DACH2: variants seen among roughly 807,000 people sequenced by gnomAD.
DACH2 encodes the protein dachshund homolog 2.
A neutral mutation model predicts 35.8 loss-of-function variants in DACH2; 17 were observed. The ratio of observed to expected loss-of-function variants is 0.48; its 90% CI spans 0.33 to 0.71. The LOEUF (loss-of-function observed/expected upper bound fraction) is 0.71, where lower values mean the gene tolerates loss of function less well. Ranked by LOEUF, DACH2 falls within the 30% of genes least tolerant of loss-of-function variation. The pLI is 0.02. For missense variants in DACH2, 469 were observed against 472.7 expected (o/e 0.99, Z 0.07); for synonymous variants, 195 against 177.3 (o/e 1.10, Z -0.79).
At chrX:86,647,003 TTATTTTTAAA>T (rs1310655696) in intron 3 of DACH2, among the ~76,000 whole-genome samples, 1 of 109,968 alleles carries the variant, frequency 9.1e-6, no homozygotes, top group East Asian at 2.8e-4. Context: ...AATAGGACTA[TTATTTTTAAA>T]AATATATATA....
chrX:86,254,838 A>AGAGAGAG (rs1569318220), intron 1 of DACH2, among the ~76,000 whole-genome samples: 8 of 88,421 alleles, frequency 9.0e-5, no homozygotes, highest in African/African-American at 2.9e-4. Context: ...AGAGAGAGAG[A>AGAGAGAG]AGGTTTATAA....
intron 3 of DACH2, among the ~76,000 whole-genome samples, chrX:86,649,377 C>G (rs185483588): frequency 1.3e-4 from 14 of 110,803 alleles, no homozygotes; most frequent in African/African-American, 4.6e-4. Flanking sequence ...AATGTAAATT[C>G]TGGAAACTTA....
chrX:86,705,955 A>T (rs761568299), intron 5 of DACH2, among the ~76,000 whole-genome samples: 2 of 112,194 alleles, frequency 1.8e-5, no homozygotes, highest in East Asian at 5.6e-4. Context: ...ACTTGGATGG[A>T]GCTGAAGGCC....
At chrX:86,777,177 T>G (rs1231991533) in intron 7 of DACH2, among the ~76,000 whole-genome samples, 7 of 110,138 alleles carry the variant, frequency 6.4e-5, no homozygotes, top group African/African-American at 2.3e-4. Context: ...TCTTCCACAA[T>G]GGTTGAACTA....
intron 1 of DACH2, among the ~76,000 whole-genome samples, chrX:86,274,272 A>G (rs1174127829): frequency 9.1e-6 from 1 of 110,349 alleles, no homozygotes; most frequent in Non-Finnish European, 1.9e-5. Flanking sequence ...AATTTTGAAC[A>G]AGATAGGAAG....
rs1398142737 is a variant in DACH2, at chrX:86,605,066, C to A, written c.641-45970C>A. Among the ~76,000 whole-genome samples, 4 of 111,635 alleles carry A rather than the reference C, an allele frequency of 3.6e-5. No individual in the cohort carries two copies. In the East Asian group the frequency reaches 1.1e-3, roughly 32 times the overall value. The stretch of plus-strand genomic sequence containing the variant: ...AACCTTGAGTAAGGCTCTTCTGATG[C>A]AATGATTCTAGTGAGTCCTGTGTTA... On this transcript the variant is annotated intron_variant, in intron 3 of 11. Transcript: ENST00000373125.
intron 3 of DACH2, among the ~76,000 whole-genome samples, chrX:86,519,740 C>G (rs2038524009): frequency 9.1e-6 from 1 of 109,434 alleles, no homozygotes; most frequent in African/African-American, 3.3e-5. Flanking sequence ...TCAGTAATAA[C>G]ATTCCCTTCA....
chrX:86,679,616 C>CTCTGTGTG (rs1391639741), intron 4 of DACH2, among the ~76,000 whole-genome samples: 100 of 96,286 alleles, frequency 1.0e-3, no homozygotes, highest in African/African-American at 3.4e-3. Flanking sequence ...CTCTCTGTCT[C>CTCTGTGTG]TGTGTGTGTG....
intron 3 of DACH2, among the ~76,000 whole-genome samples, chrX:86,524,017 T>C (rs923285110): frequency 8.9e-6 from 1 of 112,544 alleles, no homozygotes; most frequent in Non-Finnish European, 1.9e-5. Flanking sequence ...TTATCATCCT[T>C]GTTTCAAAGT....
chrX:86,214,712 C>G (rs59607351), intron 1 of DACH2, among the ~76,000 whole-genome samples: 3,803 of 111,233 alleles, frequency 0.034, 158 homozygotes, highest in African/African-American at 0.12. Flanking sequence ...GTGTAAGATT[C>G]AAAATAAAGA....
At chrX:86,492,338 A>C (rs978340116) in intron 2 of DACH2, among the ~76,000 whole-genome samples, 1 of 111,834 alleles carries the variant, frequency 8.9e-6, no homozygotes, top group African/African-American at 3.2e-5. Context: ...ATGAATTCAA[A>C]CTTTTTCCAC....
At chrX:86,373,789 T>C (rs1424236056) in intron 1 of DACH2, among the ~76,000 whole-genome samples, 1 of 111,453 alleles carries the variant, frequency 9.0e-6, no homozygotes, top group East Asian at 2.8e-4. Flanking sequence ...TAGTATACAT[T>C]AGCAGTTTCA....
At chrX:86,752,228 A>T (rs1194876642) in intron 7 of DACH2, among the ~76,000 whole-genome samples, 3 of 111,466 alleles carry the variant, frequency 2.7e-5, no homozygotes, top group Non-Finnish European at 5.7e-5. Flanking sequence ...TGTTAAAAAA[A>T]CTACGAATTT....
intron 2 of DACH2, among the ~76,000 whole-genome samples, chrX:86,499,809 T>A (rs1177132492): frequency 4.5e-5 from 5 of 112,225 alleles, no homozygotes; most frequent in Non-Finnish European, 9.4e-5. Context: ...TTAGAAAATA[T>A]TACCACAATG....
At chrX:86,432,608 G>A (rs942192501) in intron 2 of DACH2, among the ~76,000 whole-genome samples, 41 of 111,988 alleles carry the variant, frequency 3.7e-4, no homozygotes, top group African/African-American at 1.3e-3. Flanking sequence ...TGTTGGGCCA[G>A]ACTTACATGT....
At chrX:86,475,223 A>G (rs1333950455) in intron 2 of DACH2, among the ~76,000 whole-genome samples, 2 of 111,587 alleles carry the variant, frequency 1.8e-5, no homozygotes, top group Non-Finnish European at 3.8e-5. Flanking sequence ...AGGAATATCA[A>G]CAGAATTGAT....
At chrX:86,809,200 G>A (rs1050164557) in intron 7 of DACH2, among the ~76,000 whole-genome samples, 3 of 111,322 alleles carry the variant, frequency 2.7e-5, no homozygotes, top group Admixed American at 9.6e-5. Context: ...TGTTCTATGT[G>A]CTGATAAAGG....
At chrX:86,796,022 G>A (rs1185557881) in intron 7 of DACH2, among the ~76,000 whole-genome samples, 5 of 111,906 alleles carry the variant, frequency 4.5e-5, no homozygotes, top group Non-Finnish European at 9.4e-5. Flanking sequence ...CGTGGAGGGG[G>A]ACCTGAGCGG....
chrX:86,309,803 A>G (rs1426098811), intron 1 of DACH2, among the ~76,000 whole-genome samples: 1 of 112,188 alleles, frequency 8.9e-6, no homozygotes, highest in Non-Finnish European at 1.9e-5. Flanking sequence ...TGGAGGCAAT[A>G]CATTCCTCAT....
Sources: gnomAD v4.1 joint callset for allele counts (sites outside exome capture counted in the v4.1 genomes callset) on GRCh38, gnomAD v4.1.1 for gene constraint, MANE v1.5 for transcripts, NCBI Gene and HGNC (gene_info 2026-07-23, HGNC 2026-07-21) for gene names.